Variants in TENM1 observed in about 807,000 individuals in gnomAD.
The protein encoded by TENM1 is teneurin-1.
In TENM1, 35 loss-of-function variants were observed where a neutral mutation model predicts 174.8. The ratio of observed to expected loss-of-function variants is 0.20; its 90% CI spans 0.15 to 0.27. The LOEUF is 0.27. Ranked by LOEUF, TENM1 falls within the 10% of genes least tolerant of loss-of-function variation. The pLI is 1.00. For synonymous variants in TENM1, 781 were observed against 798.7 expected, an observed-to-expected ratio of 0.98 and a Z score of 0.37; for missense variants, 1,633 against 2,130.1, an observed-to-expected ratio of 0.77 and a Z score of 4.59.
chrX:124,914,933 T>C (rs140259832), intron 1 of TENM1, among the ~76,000 whole-genome samples: 1,647 of 111,981 alleles, frequency 0.015, 24 homozygotes, highest in African/African-American at 0.051. Context: ...TTTGGTTCCC[T>C]GTCTACTTCT....
At chrX:124,649,903 CAA>C (rs2051252867) in intron 8 of TENM1, among the ~76,000 whole-genome samples, 1 of 110,591 alleles carries the variant, frequency 9.0e-6, no homozygotes. Context: ...AGTTCAAAAA[CAA>C]AAATAAAATG....
chrX:125,058,208 A>G, the TENM1 span, among the ~76,000 whole-genome samples: 9 of 111,632 alleles, frequency 8.1e-5, no homozygotes, highest in African/African-American at 2.3e-4. Flanking sequence ...TAAAATTGAT[A>G]AAAAAGAAAT....
At chrX:124,591,913 A>AT (rs2049754796) in intron 11 of TENM1, among the ~76,000 whole-genome samples, 1 of 111,568 alleles carries the variant, frequency 9.0e-6, no homozygotes, top group Admixed American at 9.5e-5. Flanking sequence ...TACTTTGTTC[A>AT]TTTTTTTATC....
At chrX:124,651,786 C>A in intron 8 of TENM1, 128 bp downstream of exon 11, 2 of 957,746 alleles carry the variant, frequency 2.1e-6, no homozygotes, top group Non-Finnish European at 2.8e-6. Flanking sequence ...TCATAGTAAC[C>A]TTTCCTCAAT....
At chrX:124,420,260 C>A in intron 25 of TENM1, 51 bp downstream of exon 28, 1 of 1,133,549 alleles carries the variant, frequency 8.8e-7, no homozygotes, top group South Asian at 2.1e-5. Context: ...CAGTATAATA[C>A]AATTTCAAAT....
At chrX:125,143,010 T>C in the TENM1 span, among the ~76,000 whole-genome samples, 3 of 112,009 alleles carry the variant, frequency 2.7e-5, no homozygotes, top group Non-Finnish European at 5.6e-5. Flanking sequence ...TGAACCATCA[T>C]CATGGGATGC....
exon 20 of TENM1, chrX:124,497,150 G>T: frequency 8.3e-7 from 1 of 1,210,234 alleles, no homozygotes; most frequent in East Asian, 3.0e-5. Flanking sequence ...TGTGGGCTGG[G>T]CCATTGCAGT....
At chrX:124,498,994 G>A (rs781349944) in intron 19 of TENM1, among the ~76,000 whole-genome samples, 12 of 111,464 alleles carry the variant, frequency 1.1e-4, no homozygotes, top group Admixed American at 4.8e-4. Flanking sequence ...CAGAAAATCC[G>A]AGGAACAAGT....
chrX:125,089,944 T>C, the TENM1 span, among the ~76,000 whole-genome samples: 1 of 111,400 alleles, frequency 9.0e-6, no homozygotes, highest in Non-Finnish European at 1.9e-5. Flanking sequence ...TGTCAAGTGT[T>C]CCATCATTGT....
At chrX:124,654,383 T>C (rs1022390358) in intron 6 of TENM1, among the ~76,000 whole-genome samples, 1 of 112,516 alleles carries the variant, frequency 8.9e-6, no homozygotes, top group African/African-American at 3.2e-5. Context: ...GTTTTATTCG[T>C]CGGTATATTC....
intron 4 of TENM1, among the ~76,000 whole-genome samples, chrX:124,719,943 C>T (rs2053272712): frequency 8.9e-6 from 1 of 111,754 alleles, no homozygotes; most frequent in Admixed American, 9.5e-5. Flanking sequence ...CAATAGGAAA[C>T]ATAATATGAA....
At chrX:124,621,081 G>C (rs755572716) in intron 11 of TENM1, among the ~76,000 whole-genome samples, 2 of 112,199 alleles carry the variant, frequency 1.8e-5, no homozygotes, top group Non-Finnish European at 3.8e-5. Context: ...GACACAAGTT[G>C]AGTATCCCTT....
chrX:124,402,804 C>A (rs767644450), intron 27 of TENM1, among the ~76,000 whole-genome samples: 1 of 110,180 alleles, frequency 9.1e-6, no homozygotes, highest in East Asian at 2.9e-4. Context: ...TCCATGAGGT[C>A]GATAAGCCAT....
At chrX:124,956,436 T>C (rs1461240861) in intron 1 of TENM1, among the ~76,000 whole-genome samples, 1 of 112,283 alleles carries the variant, frequency 8.9e-6, no homozygotes, top group Non-Finnish European at 1.9e-5. Flanking sequence ...GATGTGAGGC[T>C]GAAGCTGGTC....
chrX:124,708,572 T>C (rs2052966741), intron 4 of TENM1, among the ~76,000 whole-genome samples: 1 of 111,379 alleles, frequency 9.0e-6, no homozygotes, highest in Non-Finnish European at 1.9e-5. Flanking sequence ...TTTCATTAAG[T>C]AAATTATTTT....
At chrX:124,653,056 A>G (rs1181314938) in intron 7 of TENM1, among the ~76,000 whole-genome samples, 1 of 111,798 alleles carries the variant, frequency 8.9e-6, no homozygotes. Context: ...AAAAATAAGG[A>G]GAAGAAAATA....
At chrX:124,522,368 G>T (rs2148048026) in intron 17 of TENM1, among the ~76,000 whole-genome samples, 1 of 111,330 alleles carries the variant, frequency 9.0e-6, no homozygotes, top group South Asian at 3.9e-4. Context: ...CCATTTTGGT[G>T]GTTTCCACAT....
intron 3 of TENM1, among the ~76,000 whole-genome samples, chrX:124,811,466 T>C (rs946118649): frequency 1.8e-5 from 2 of 111,327 alleles, no homozygotes; most frequent in Non-Finnish European, 3.8e-5. Flanking sequence ...CAATGAGATA[T>C]CACCTCACTC....
exon 32 of TENM1, chrX:124,380,246 G>A (rs1028345159): frequency 1.2e-5 from 3 of 244,009 alleles, no homozygotes; most frequent in Non-Finnish European, 2.2e-5. Context: ...ACATATGCAT[G>A]GCTCGGCAAA....
Sources: gnomAD v4.1 joint callset for allele counts (sites outside exome capture counted in the v4.1 genomes callset) on GRCh38, gnomAD v4.1.1 for gene constraint, MANE v1.5 for transcripts, NCBI Gene and HGNC (gene_info 2026-07-23, HGNC 2026-07-21) for gene names.